CHURC1: variants seen among roughly 807,000 people sequenced by gnomAD.
CHURC1 encodes churchill domain containing 1.
CHURC1 carries 12 observed loss-of-function variants against 15.4 expected under a neutral mutation model. The ratio of observed to expected loss-of-function variants is 0.78; its 90% CI spans 0.50 to 1.27. The LOEUF is 1.27. Ranked by LOEUF, CHURC1 falls within the 50% of genes most tolerant of loss-of-function variation. The probability of loss-of-function intolerance (pLI) is 0.00; values close to 1 mark genes in which losing one functional copy is unlikely to be tolerated. For synonymous variants in CHURC1, 42 were observed against 47.5 expected, an observed-to-expected ratio of 0.88 and a Z score of 0.48; for missense variants, 132 against 137.8, an observed-to-expected ratio of 0.96 and a Z score of 0.21.
At chr14:64,932,030 CAGAA>C in intron 3 of CHURC1, 104 bp from the exon 4 acceptor site, 1 of 1,382,036 alleles carries the variant, frequency 7.2e-7, no homozygotes, top group Non-Finnish European at 9.7e-7. Flanking sequence ...ATCCAATGTA[CAGAA>C]AGAATATTCA....
Position 64,923,987 on chromosome 14 carries a change from T to G in CHURC1, c.40-4T>G. 1 of 1,533,542 alleles carries G rather than the reference T, an allele frequency of 6.5e-7. No individual in the cohort carries two copies. Among genetic ancestry groups the G allele is most frequent in the Middle Eastern group, 1.7e-4 (1 of 5,792 alleles). The allele number at this position is 1,533,542 out of a possible 1,614,324, so 95.0% of individuals were successfully genotyped here. ...AAATTAAATTCCTGTTTCTGATATT[T>G]TAGGGTAATACCTGCCTGGAGAATG... On this transcript the variant is annotated splice_polypyrimidine_tract_variant and splice_region_variant and intron_variant, in intron 1 of 3. Coordinates refer to ENST00000549115, the MANE Select transcript of CHURC1 (RefSeq NM_001386928.1).
intron 1 of CHURC1, among the ~76,000 whole-genome samples, chr14:64,920,170 A>G (rs1398083776): frequency 6.6e-6 from 1 of 152,158 alleles, no homozygotes; most frequent in Non-Finnish European, 1.5e-5. Flanking sequence ...TTCTCGTAAG[A>G]TTTTATAACA....
chr14:64,932,144 A>G lies in CHURC1; in HGVS notation c.253A>G (p.Thr85Ala), dbSNP rs554471925. Residue 85 changes from threonine (T) to alanine (A), a missense_variant, in exon 4 of 4, where the codon ACC becomes GCC. Physicochemically the swap from Thr to Ala is moderately conservative, Grantham distance 58. Transcript: ENST00000549115. ...GCACTTTATCTTGTTCTAGGAGTAT[A>G]CCATGCTGTGTCTGTTATGCGGCAA... ...FSIMDEFQEYTMLCLLCGKAE... is the reference protein window; with the variant it reads ...FSIMDEFQEYAMLCLLCGKAE... 6.2e-7 allele frequency: 1 copy of G among 1,613,790 alleles called. No individual in the cohort carries two copies. Among genetic ancestry groups the G allele is most frequent in the Non-Finnish European group, 8.5e-7 (1 of 1,179,706 alleles).
At position 64,929,317 on chromosome 14, in the gene CHURC1, G is replaced by T. The variant is rs138269071; in HGVS notation, c.247-2821G>T. ...AGCCAACTAAATCTTACCTCTTTCT[G>T]CCTGAACTCAAATTCCATCTCCTCT... On this transcript the variant is annotated intron_variant, in intron 3 of 3. Transcript: ENST00000549115. Among the ~76,000 whole-genome samples, 299 of 151,934 alleles carry T rather than the reference G, an allele frequency of 2.0e-3. 2 individuals carry two copies. The highest frequency in any genetic ancestry group is 6.8e-3 in the African/African-American group (281 of 41,396).
chr14:64,933,760 A>T lies in CHURC1; in HGVS notation c.*1530A>T. Reference sequence around the variant, plus strand: ...TTTGGAAATTCTGAACTAAGGTCTTATAAGAACAAGAAATGAGCAAAGTGT... The same window carrying T: ...TTTGGAAATTCTGAACTAAGGTCTTTTAAGAACAAGAAATGAGCAAAGTGT... On this transcript the variant is annotated 3_prime_UTR_variant, in exon 4 of 4. Coordinates refer to ENST00000549115, the MANE Select transcript of CHURC1 (RefSeq NM_001386928.1). 1.0e-6 allele frequency: 1 copy of T among 985,460 alleles called. No homozygotes were observed. Among genetic ancestry groups the T allele is most frequent in the Non-Finnish European group, 1.2e-6 (1 of 829,926 alleles). The allele number at this position is 985,460 out of a possible 1,614,324, so 61.0% of individuals were successfully genotyped here.
rs1885249717 is a variant in CHURC1, at chr14:64,934,811, G to A, written c.*2581G>A. 6.1e-6 allele frequency: 6 copies of A among 985,308 alleles called. No individual in the cohort carries two copies. Among genetic ancestry groups the A allele is most frequent in the Non-Finnish European group, 7.2e-6 (6 of 829,874 alleles). 61.0% of individuals were successfully genotyped at this position (985,308 alleles called of 1,614,324 possible). A position where few individuals can be genotyped will look rare whatever the true frequency, so the allele number is the denominator to read the frequency against. ...GTCTAATTTTATATGCCCTGCCAAT[G>A]TCCTCATCTATTGCAGAATGTATAA... On this transcript the variant is annotated 3_prime_UTR_variant, in exon 4 of 4. Coordinates refer to ENST00000549115, the MANE Select transcript of CHURC1 (RefSeq NM_001386928.1).
At chr14:64,917,361 G>A (rs1481300362) in intron 1 of CHURC1, among the ~76,000 whole-genome samples, 3 of 152,160 alleles carry the variant, frequency 2.0e-5, no homozygotes, top group Non-Finnish European at 4.4e-5. Context: ...TCAGGAGTTC[G>A]AGACCAGCTT....
At chr14:64,923,161 C>T (rs563354675) in intron 1 of CHURC1, among the ~76,000 whole-genome samples, 12 of 151,234 alleles carry the variant, frequency 7.9e-5, no homozygotes, top group African/African-American at 1.9e-4. Flanking sequence ...GGGTCGGGGA[C>T]GGTGGCTCAC....
intron 1 of CHURC1, among the ~76,000 whole-genome samples, chr14:64,921,251 A>G (rs1379168419): frequency 6.6e-6 from 1 of 152,164 alleles, no homozygotes; most frequent in East Asian, 1.9e-4. Flanking sequence ...AAACTTCTAG[A>G]AAAAAATGTA....
At chr14:64,914,599 C>T in intron 1 of CHURC1, 65 bp downstream of exon 1, 1 of 1,607,312 alleles carries the variant, frequency 6.2e-7, no homozygotes, top group Non-Finnish European at 8.5e-7. Flanking sequence ...CCAAGGCTGG[C>T]CTTCCCAGAG....
chr14:64,921,248 T>C (rs1332601388), intron 1 of CHURC1, among the ~76,000 whole-genome samples: 1 of 152,004 alleles, frequency 6.6e-6, no homozygotes, highest in African/African-American at 2.4e-5. Context: ...ATAAAACTTC[T>C]AGAAAAAAAT....
At chr14:64,921,375 A>C (rs1482911750) in intron 1 of CHURC1, among the ~76,000 whole-genome samples, 1 of 152,206 alleles carries the variant, frequency 6.6e-6, no homozygotes, top group Non-Finnish European at 1.5e-5. Flanking sequence ...TTGTTTGCTC[A>C]TTAGAAGAAA....
chr14:64,932,330 T>A lies in CHURC1; in HGVS notation c.*100T>A. ...TCATTCATACTGAAAATTCTTTGCA[T>A]ATTTTTTTTCTGCTTAGACTTACTT... On this transcript the variant is annotated 3_prime_UTR_variant, in exon 4 of 4. Transcript: ENST00000549115. The A allele has an allele frequency of 6.5e-7, 1 of 1,530,248 alleles. No individual in the cohort carries two copies. The highest frequency in any genetic ancestry group is 8.8e-7 in the Non-Finnish European group (1 of 1,135,878). The allele number at this position is 1,530,248 out of a possible 1,614,324, so 94.8% of individuals were successfully genotyped here. A position where few individuals can be genotyped will look rare whatever the true frequency, so the allele number is the denominator to read the frequency against.
At chr14:64,916,972 A>C (rs1470555169) in intron 1 of CHURC1, among the ~76,000 whole-genome samples, 1 of 152,230 alleles carries the variant, frequency 6.6e-6, no homozygotes, top group Non-Finnish European at 1.5e-5. Context: ...CCACCATCAA[A>C]ATTTTAATAG....
intron 3 of CHURC1, among the ~76,000 whole-genome samples, chr14:64,926,605 C>T (rs78134631): frequency 1.3e-5 from 2 of 152,154 alleles, no homozygotes; most frequent in African/African-American, 4.8e-5. Context: ...TGCCACCATA[C>T]TTGCCCAGCA....
At position 64,935,015 on chromosome 14, in the gene CHURC1, C is replaced by T. The variant is rs541511823; in HGVS notation, c.*2785C>T. 3.4e-5 allele frequency: 33 copies of T among 983,186 alleles called. No homozygotes were observed. The South Asian group carries it at 1.4e-3, about 41-fold the overall frequency. 60.9% of individuals were successfully genotyped at this position (983,186 alleles called of 1,614,324 possible). Reference sequence around the variant, plus strand: ...CCAGTTTCACAGAATCCTTATTTTTCTGTTCAAATTAGGAATTAGGGACAT... The same window carrying T: ...CCAGTTTCACAGAATCCTTATTTTTTTGTTCAAATTAGGAATTAGGGACAT... On this transcript the variant is annotated 3_prime_UTR_variant, in exon 4 of 4. Coordinates refer to ENST00000549115, the MANE Select transcript of CHURC1 (RefSeq NM_001386928.1).
At chr14:64,928,608 A>C (rs1349199600) in intron 3 of CHURC1, among the ~76,000 whole-genome samples, 1 of 152,120 alleles carries the variant, frequency 6.6e-6, no homozygotes, top group East Asian at 1.9e-4. Flanking sequence ...AGTACCTACA[A>C]AGTGATTTTC....
At chr14:64,929,621 A>G (rs970530806) in intron 3 of CHURC1, among the ~76,000 whole-genome samples, 4 of 152,198 alleles carry the variant, frequency 2.6e-5, no homozygotes, top group African/African-American at 9.7e-5. Flanking sequence ...AGTCCAAAGT[A>G]GGCAGAATAG....
chr14:64,929,290 C>T (rs936315289), intron 3 of CHURC1, among the ~76,000 whole-genome samples: 4 of 152,298 alleles, frequency 2.6e-5, no homozygotes, highest in South Asian at 2.1e-4. Context: ...TCTCTACCTT[C>T]AAGCCAACTA....
Sources: allele counts gnomAD v4.1 joint callset (sites outside exome capture counted in the v4.1 genomes callset), GRCh38; gene constraint gnomAD v4.1.1; transcripts MANE v1.5; gene names NCBI Gene and HGNC (gene_info 2026-07-23, HGNC 2026-07-21).